The following CGNL1 variants were observed in gnomAD, a reference collection of about 807,000 sequenced individuals.
CGNL1 encodes cingulin-like protein 1.
A neutral mutation model predicts 141.2 loss-of-function variants in CGNL1; 132 were observed. The ratio of observed to expected loss-of-function variants is 0.93; its 90% CI spans 0.81 to 1.08. CGNL1 has a LOEUF of 1.08. CGNL1 is among the 50% of genes least tolerant of loss of function. CGNL1 has a pLI of 0.00. For missense variants in CGNL1, 1,870 were observed against 1,588.6 expected (o/e 1.18, Z -3.01); for synonymous variants, 690 against 622.1 (o/e 1.11, Z -1.63).
At position 57,493,780 on chromosome 15, in the gene CGNL1, A is replaced by T. The variant is rs181677460; in HGVS notation, c.2404-23000A>T. ...GTGAGATTGCATATTCTCAGATTCGATGCTGTTCTTTCCATCTGCTATGGT... is the reference window on the plus strand; with the variant it reads ...GTGAGATTGCATATTCTCAGATTCGTTGCTGTTCTTTCCATCTGCTATGGT... On this transcript the variant is annotated intron_variant, in intron 8 of 18. Coordinates refer to ENST00000281282, the MANE Select transcript of CGNL1 (RefSeq NM_032866.5). Among the ~76,000 whole-genome samples, 234 of 152,312 alleles carry T rather than the reference A, an allele frequency of 1.5e-3. 2 individuals carry two copies. Among genetic ancestry groups the T allele is most frequent in the African/African-American group, 4.8e-3 (201 of 41,576 alleles).
At chr15:57,410,814 T>A (rs1455813659) in intron 1 of CGNL1, among the ~76,000 whole-genome samples, 1 of 152,198 alleles carries the variant, frequency 6.6e-6, no homozygotes, top group Non-Finnish European at 1.5e-5. Context: ...TAGCTTCTTT[T>A]CTCTCTTGCT....
At chr15:57,512,367 A>G (rs2030386517) in intron 8 of CGNL1, among the ~76,000 whole-genome samples, 1 of 152,152 alleles carries the variant, frequency 6.6e-6, no homozygotes, top group African/African-American at 2.4e-5. Flanking sequence ...CTTTATATAA[A>G]AGGTGAGCTG....
In CGNL1 at chr15:57,473,476, G is replaced by A. The variant is rs974249855; in HGVS notation, c.2403+11584G>A. ...GTGCATAAGGCATTTACAGTAGCCC[G>A]TTGGCCCCCAGTGACCTGAGCCTTC... is the stretch of plus-strand genomic sequence containing the variant. On this transcript the variant is annotated intron_variant, in intron 8 of 18. Coordinates refer to ENST00000281282, the MANE Select transcript of CGNL1 (RefSeq NM_032866.5). Among the ~76,000 whole-genome samples, 14 of 152,314 alleles carry A rather than the reference G, an allele frequency of 9.2e-5. No individual in the cohort carries two copies. The East Asian group carries it at 1.2e-3, about 13-fold the overall frequency.
intron 2 of CGNL1, among the ~76,000 whole-genome samples, chr15:57,439,992 T>C (rs2063164915): frequency 6.6e-6 from 1 of 152,188 alleles, no homozygotes. Context: ...ACTGGGTTAA[T>C]TTCTAGCCTG....
chr15:57,453,612 TC>T (rs1422633145), intron 6 of CGNL1, 70 bp from the exon 7 acceptor site: 5 of 1,584,170 alleles, frequency 3.2e-6, no homozygotes, highest in Non-Finnish European at 4.3e-6. Flanking sequence ...CCTCTGAAGA[TC>T]AGAAATCAGA....
chr15:57,529,560 AC>A (rs1208071051), intron 13 of CGNL1, among the ~76,000 whole-genome samples: 20 of 806 alleles, frequency 0.025, no homozygotes, highest in African/African-American at 0.062. Context: ...ACCCCCAGAA[AC>A]ACACACACAC....
At chr15:57,466,871 T>A (rs572887856) in intron 8 of CGNL1, among the ~76,000 whole-genome samples, 27 of 152,326 alleles carry the variant, frequency 1.8e-4, no homozygotes, top group African/African-American at 6.5e-4. Flanking sequence ...TGCAAGTATT[T>A]TGATGCTGAT....
intron 15 of CGNL1, 138 bp from the exon 16 acceptor site, chr15:57,544,335 C>G: frequency 2.8e-5 from 29 of 1,031,362 alleles, no homozygotes; most frequent in Non-Finnish European, 4.1e-5. Flanking sequence ...CCCAGGTCTC[C>G]AGGCCACAGG....
chr15:57,550,694 A>G lies in CGNL1; in HGVS notation c.*3204A>G, dbSNP rs1303173175. 1 of 152,660 alleles carries G rather than the reference A, an allele frequency of 6.6e-6. No homozygotes were observed. The highest frequency in any genetic ancestry group is 1.5e-5 in the Non-Finnish European group (1 of 68,042). 9.5% of individuals were successfully genotyped at this position (152,660 alleles called of 1,614,324 possible). A position where few individuals can be genotyped will look rare whatever the true frequency, so the allele number is the denominator to read the frequency against. ...CTGGATAAAGCAAGATTTCCTTTCA[A>G]TAAACGCTGTCACCCAATGGGAATT... On this transcript the variant is annotated 3_prime_UTR_variant, in exon 19 of 19. Transcript: ENST00000281282.
intron 10 of CGNL1, among the ~76,000 whole-genome samples, chr15:57,521,344 A>G (rs2031241590): frequency 6.6e-6 from 1 of 152,192 alleles, no homozygotes; most frequent in Admixed American, 6.5e-5. Flanking sequence ...GCCCCATGCT[A>G]AGAAAAATTG....
chr15:57,518,495 C>G lies in CGNL1; in HGVS notation c.2713C>G (p.Gln905Glu). Residue 905 changes from glutamine (Q) to glutamate (E), a missense_variant and splice_region_variant, in exon 10 of 19, where the codon CAG becomes GAG. Transcript: ENST00000281282. ...RALENELEAA[Q>E]GNLSQTTQEQ... ...CCTGGAGAATGAACTGGAGGCTGCT[C>G]AGGTAAACACCAAGGGCTGTTGTCA... 6.2e-7 allele frequency: 1 copy of G among 1,601,662 alleles called. No homozygotes were observed. Among genetic ancestry groups the G allele is most frequent in the Non-Finnish European group, 8.5e-7 (1 of 1,171,530 alleles).
intron 8 of CGNL1, among the ~76,000 whole-genome samples, chr15:57,473,297 C>A (rs1210233263): frequency 6.6e-6 from 1 of 152,110 alleles, no homozygotes; most frequent in Non-Finnish European, 1.5e-5. Flanking sequence ...TAAAGACTTG[C>A]CAAGATCATT....
intron 1 of CGNL1, among the ~76,000 whole-genome samples, chr15:57,421,039 G>A (rs1318109848): frequency 6.6e-6 from 1 of 152,162 alleles, no homozygotes; most frequent in Non-Finnish European, 1.5e-5. Flanking sequence ...GGTAATTAGG[G>A]TTAGATTAGG....
chr15:57,487,183 T>C (rs1360552110), intron 8 of CGNL1, among the ~76,000 whole-genome samples: 1 of 152,202 alleles, frequency 6.6e-6, no homozygotes, highest in Admixed American at 6.5e-5. Context: ...AGGGAAGAGA[T>C]GAATATTTGC....
At chr15:57,499,165 T>C (rs2063985278) in intron 8 of CGNL1, among the ~76,000 whole-genome samples, 1 of 150,522 alleles carries the variant, frequency 6.6e-6, no homozygotes, top group Non-Finnish European at 1.5e-5. Context: ...TGGAGTCGCA[T>C]GGCAGTGGTA....
intron 8 of CGNL1, among the ~76,000 whole-genome samples, chr15:57,462,912 C>T (rs772997357): frequency 3.3e-5 from 5 of 152,066 alleles, no homozygotes; most frequent in South Asian, 2.1e-4. Context: ...GGGAGAAAAG[C>T]GAAACCGATT....
At chr15:57,533,082 G>T (rs145928229) in intron 14 of CGNL1, among the ~76,000 whole-genome samples, 1 of 152,118 alleles carries the variant, frequency 6.6e-6, no homozygotes. Flanking sequence ...CTGCTTTTCC[G>T]TATTCTTTTA....
intron 1 of CGNL1, among the ~76,000 whole-genome samples, chr15:57,389,845 C>T (rs1261726331): frequency 6.6e-6 from 1 of 151,800 alleles, no homozygotes; most frequent in East Asian, 1.9e-4. Flanking sequence ...GATGGAGTCT[C>T]ACTCTGTTGC....
At chr15:57,433,695 C>G (rs2063071873) in intron 1 of CGNL1, among the ~76,000 whole-genome samples, 1 of 152,322 alleles carries the variant, frequency 6.6e-6, no homozygotes, top group Non-Finnish European at 1.5e-5. Flanking sequence ...GCCTGGAGGT[C>G]TGTTCTCTGG....
Sources: allele counts gnomAD v4.1 joint callset (sites outside exome capture counted in the v4.1 genomes callset), GRCh38; gene constraint gnomAD v4.1.1; transcripts MANE v1.5; gene names NCBI Gene and HGNC (gene_info 2026-07-23, HGNC 2026-07-21).